The following CHN1 variants were observed in gnomAD, a reference collection of about 807,000 sequenced individuals.
The protein encoded by CHN1 is N-chimaerin.
CHN1 carries 37 observed loss-of-function variants against 59.5 expected under a neutral mutation model. That is an observed-to-expected ratio of 0.62 (90% CI 0.48 to 0.82). The LOEUF (loss-of-function observed/expected upper bound fraction) is 0.82, where lower values mean the gene tolerates loss of function less well. Among genes scored for constraint, CHN1 ranks in the 40% least tolerant of loss-of-function variants. The pLI, the probability that CHN1 is intolerant of heterozygous loss-of-function variation, is 0.00. For synonymous variants in CHN1, 206 were observed against 200.4 expected (o/e 1.03, Z -0.24); for missense variants, 469 against 571.0 (o/e 0.82, Z 1.82).
intron 1 of CHN1, among the ~76,000 whole-genome samples, chr2:174,998,686 G>A (rs1347794724): frequency 6.6e-6 from 1 of 152,082 alleles, no homozygotes; most frequent in Non-Finnish European, 1.5e-5. Flanking sequence ...CTCAACTGTG[G>A]GTATTGGCTC....
intron 7 of CHN1, among the ~76,000 whole-genome samples, chr2:174,825,029 A>C (rs1685639443): frequency 6.6e-6 from 1 of 152,216 alleles, no homozygotes; most frequent in South Asian, 2.1e-4. Context: ...GGAATGATAA[A>C]TCAGACCAAT....
chr2:174,915,087 C>T lies in CHN1; in HGVS notation c.231G>A (p.Arg77=), dbSNP rs183170934. ...EGSYLIRESQ[R]QPGTYTLALR... The stretch of plus-strand genomic sequence containing the variant: ...AAGCCAAAGTGTAGGTCCCTGGCTG[C>T]CGCTGGCTCTCCCGGATGAGGTAGC... The change falls in exon 5 of 13, where the codon CGG becomes CGA. Residue 77 remains arginine, a synonymous_variant. Transcript: ENST00000409900. 146 of 1,612,012 alleles carry T rather than the reference C, an allele frequency of 9.1e-5. No homozygotes were observed. The African/African-American group carries it at 1.8e-3, about 20-fold the overall frequency.
At chr2:174,993,551 C>T (rs1483909036) in intron 1 of CHN1, among the ~76,000 whole-genome samples, 1 of 150,566 alleles carries the variant, frequency 6.6e-6, no homozygotes, top group Non-Finnish European at 1.5e-5. Flanking sequence ...ACTTCTCTTT[C>T]AATAAGTCCT....
At chr2:174,987,044 T>C (rs149429097) in intron 1 of CHN1, among the ~76,000 whole-genome samples, 1,547 of 152,324 alleles carry the variant, frequency 0.01, 30 homozygotes, top group African/African-American at 0.035. Flanking sequence ...CCGATTTTAT[T>C]ATTTTGTTAA....
At chr2:174,835,359 T>C (rs749789187) in intron 7 of CHN1, among the ~76,000 whole-genome samples, 70 of 152,226 alleles carry the variant, frequency 4.6e-4, no homozygotes, top group Non-Finnish European at 1.0e-3. Flanking sequence ...TATGCCTTGA[T>C]GTTGCTTTCA....
At position 174,892,107 on chromosome 2, in the gene CHN1, C is replaced by T. The variant is rs138303582; in HGVS notation, c.261-13979G>A. Among the ~76,000 whole-genome samples, 322 of 152,254 alleles carry T rather than the reference C, an allele frequency of 2.1e-3. 1 individual carries two copies. The highest frequency in any genetic ancestry group is 7.5e-3 in the African/African-American group (311 of 41,554). ...GCAAGGACATCGAATCAGCAGTCAACAGCTTCCCAATAAAGAAAAGGACAG... is the reference window on the plus strand; with the variant it reads ...GCAAGGACATCGAATCAGCAGTCAATAGCTTCCCAATAAAGAAAAGGACAG... On this transcript the variant is annotated intron_variant, in intron 5 of 12. Coordinates refer to ENST00000409900, the MANE Select transcript of CHN1 (RefSeq NM_001822.7).
Position 174,944,938 on chromosome 2 carries a change from G to T in CHN1, c.64C>A (p.Gln22Lys). The change falls in exon 3 of 13, where the codon CAG becomes AAG. Residue 22 changes from glutamine to lysine, a missense_variant. By Grantham distance (53) the Gln-to-Lys change is moderately conservative (BLOSUM62 1). This residue lies in a region of CHN1 where 152 missense variants were observed against 166.1 expected (regional missense o/e 0.92). Transcript: ENST00000409900. ...GGATGAGGGGCTTCCTGTTGTAGCTGATATACTGTGAGAAGGTAGAAACAA... is the reference window on the plus strand; with the variant it reads ...GGATGAGGGGCTTCCTGTTGTAGCTTATATACTGTGAGAAGGTAGAAACAA... ...RPPVWKSYLY[Q>K]LQQEAPHPRR... The T allele has an allele frequency of 6.4e-7, 1 of 1,571,608 alleles. No homozygotes were observed. Among genetic ancestry groups the T allele is most frequent in the Non-Finnish European group, 8.6e-7 (1 of 1,156,362 alleles).
chr2:174,978,704 A>G (rs1215063856), intron 1 of CHN1, among the ~76,000 whole-genome samples: 1 of 152,224 alleles, frequency 6.6e-6, no homozygotes, highest in Admixed American at 6.5e-5. Flanking sequence ...AATGCAATAA[A>G]GATTCTGGAT....
At chr2:174,881,612 T>C (rs893535113) in intron 5 of CHN1, among the ~76,000 whole-genome samples, 1 of 152,190 alleles carries the variant, frequency 6.6e-6, no homozygotes, top group Non-Finnish European at 1.5e-5. Flanking sequence ...CAGAATGAGT[T>C]ACCAACACTA....
chr2:174,918,258 T>C (rs1429286259), intron 4 of CHN1, among the ~76,000 whole-genome samples: 3 of 152,192 alleles, frequency 2.0e-5, no homozygotes, highest in African/African-American at 7.2e-5. Context: ...AACACAAATA[T>C]GTACATTTTC....
intron 3 of CHN1, among the ~76,000 whole-genome samples, chr2:174,927,123 A>G (rs1689191788): frequency 6.6e-6 from 1 of 152,024 alleles, no homozygotes; most frequent in South Asian, 2.1e-4. Context: ...TTAAATAATG[A>G]TGCCCTCACA....
intron 3 of CHN1, among the ~76,000 whole-genome samples, chr2:174,919,030 C>G (rs576631426): frequency 2.0e-5 from 3 of 152,178 alleles, no homozygotes; most frequent in Admixed American, 2.0e-4. Context: ...CACAGCTTAT[C>G]AGGGCATGTG....
chr2:174,865,491 C>T (rs898483771), intron 6 of CHN1, among the ~76,000 whole-genome samples: 1 of 152,118 alleles, frequency 6.6e-6, no homozygotes, highest in Admixed American at 6.5e-5. Context: ...CTATCACCCC[C>T]AAAGATCTCC....
chr2:174,971,840 G>A (rs1345618396), intron 1 of CHN1, among the ~76,000 whole-genome samples: 4 of 152,102 alleles, frequency 2.6e-5, no homozygotes, highest in Non-Finnish European at 5.9e-5. Context: ...TGTCATCCTA[G>A]GTGACTACAT....
At chr2:175,001,285 T>A (rs1445066760) in intron 1 of CHN1, among the ~76,000 whole-genome samples, 1 of 152,232 alleles carries the variant, frequency 6.6e-6, no homozygotes, top group Non-Finnish European at 1.5e-5. Flanking sequence ...GAACTTCCTA[T>A]AAAATTAGCT....
At chr2:174,987,622 G>A (rs1329380212) in intron 1 of CHN1, among the ~76,000 whole-genome samples, 3 of 152,044 alleles carry the variant, frequency 2.0e-5, no homozygotes, top group African/African-American at 7.2e-5. Context: ...TTGTAGTACA[G>A]ATGGGGTTTC....
chr2:174,859,467 C>A (rs1271145056), intron 6 of CHN1, among the ~76,000 whole-genome samples: 2 of 152,096 alleles, frequency 1.3e-5, no homozygotes. Flanking sequence ...GTTTAATAAT[C>A]CGGTACTAAT....
chr2:174,942,407 G>A (rs1381750467), intron 3 of CHN1, among the ~76,000 whole-genome samples: 1 of 151,940 alleles, frequency 6.6e-6, no homozygotes, highest in Non-Finnish European at 1.5e-5. Flanking sequence ...AATAAGAAAG[G>A]CACAAAAGAT....
At chr2:174,989,951 G>A (rs535010590) in intron 1 of CHN1, among the ~76,000 whole-genome samples, 2 of 151,938 alleles carry the variant, frequency 1.3e-5, no homozygotes, top group Non-Finnish European at 1.5e-5. Context: ...GAAAACACTG[G>A]ACTTTTTCTA....
Sources: allele counts gnomAD v4.1 joint callset (sites outside exome capture counted in the v4.1 genomes callset), GRCh38; gene constraint gnomAD v4.1.1; regional missense constraint gnomAD v4.1.1; transcripts MANE v1.5; gene names NCBI Gene and HGNC (gene_info 2026-07-23, HGNC 2026-07-21).